The following PTPRR variants were observed in gnomAD, a reference collection of about 807,000 sequenced individuals.
The protein encoded by PTPRR is protein tyrosine phosphatase receptor type R, also known as receptor-type tyrosine-protein phosphatase R.
PTPRR carries 38 observed loss-of-function variants against 77.2 expected under a neutral mutation model. The observed-to-expected ratio is 0.49, with a 90% CI of 0.38 to 0.65. The LOEUF is 0.65. Ranked by LOEUF, PTPRR falls within the 30% of genes least tolerant of loss-of-function variation. The pLI, the probability that PTPRR is intolerant of heterozygous loss-of-function variation, is 0.00. For synonymous variants in PTPRR, 299 were observed against 283.1 expected (o/e 1.06, Z -0.57); for missense variants, 744 against 799.2 (o/e 0.93, Z 0.83).
At chr12:70,679,511 A>G (rs1887576866) in intron 10 of PTPRR, among the ~76,000 whole-genome samples, 2 of 152,148 alleles carry the variant, frequency 1.3e-5, no homozygotes, top group Admixed American at 6.5e-5. Flanking sequence ...GATTATTACT[A>G]TATAGCAGTC....
At position 70,776,839 on chromosome 12, in the gene PTPRR, G is replaced by A. The variant is rs60425008; in HGVS notation, c.358-12061C>T. 7.4e-3 allele frequency among the ~76,000 whole-genome samples: 1,121 copies of A among 152,152 alleles called. 11 individuals are homozygous for A. The highest frequency in any genetic ancestry group is 0.025 in the African/African-American group (1,056 of 41,498). On this transcript the variant is annotated intron_variant, in intron 2 of 13. Coordinates refer to ENST00000283228, the MANE Select transcript of PTPRR (RefSeq NM_002849.4). ...TTCCTTTCAGTTCTCCAGTAGTACT[G>A]TGTTGGACTTTAGGATTTTTTGTTT...
intron 2 of PTPRR, among the ~76,000 whole-genome samples, chr12:70,870,209 T>C (rs565947193): frequency 3.9e-5 from 6 of 152,170 alleles, no homozygotes; most frequent in Middle Eastern, 3.4e-3. Flanking sequence ...AGCCCACAGA[T>C]GAAAGGGGAT....
chr12:70,649,297 A>G (rs1886307856), intron 13 of PTPRR, among the ~76,000 whole-genome samples: 1 of 152,146 alleles, frequency 6.6e-6, no homozygotes, highest in Non-Finnish European at 1.5e-5. Context: ...AAGTATCCAA[A>G]TCACTGCCTT....
At chr12:70,834,777 T>G (rs1170086905) in intron 2 of PTPRR, among the ~76,000 whole-genome samples, 1 of 152,118 alleles carries the variant, frequency 6.6e-6, no homozygotes, top group Non-Finnish European at 1.5e-5. Flanking sequence ...ATATTGTTAT[T>G]CTAGGAGGCA....
At chr12:70,806,765 A>T (rs1891717346) in intron 2 of PTPRR, among the ~76,000 whole-genome samples, 1 of 152,124 alleles carries the variant, frequency 6.6e-6, no homozygotes, top group Non-Finnish European at 1.5e-5. Flanking sequence ...ACTTATCCCA[A>T]AATCCCCAAC....
At chr12:70,899,916 TA>T (rs562116172) in intron 1 of PTPRR, among the ~76,000 whole-genome samples, 2 of 150,802 alleles carry the variant, frequency 1.3e-5, no homozygotes, top group Non-Finnish European at 3.0e-5. Flanking sequence ...AAACTAGAAG[TA>T]AAAAAAACAA....
chr12:70,843,729 A>G (rs1199060687), intron 2 of PTPRR, among the ~76,000 whole-genome samples: 1 of 152,080 alleles, frequency 6.6e-6, no homozygotes, highest in Non-Finnish European at 1.5e-5. Context: ...TAATATGATT[A>G]CCAAAAGTGG....
chr12:70,795,908 A>G (rs1161625414), intron 2 of PTPRR, among the ~76,000 whole-genome samples: 1 of 82,404 alleles, frequency 1.2e-5, no homozygotes, highest in Non-Finnish European at 2.7e-5. Context: ...AAATGTATTT[A>G]GTAGATTTTT....
At chr12:70,818,752 T>A (rs1403553257) in intron 2 of PTPRR, among the ~76,000 whole-genome samples, 2 of 152,114 alleles carry the variant, frequency 1.3e-5, no homozygotes, top group Non-Finnish European at 2.9e-5. Flanking sequence ...TTTAAGATAT[T>A]TATATTAAAG....
rs1286607221 is a variant in PTPRR, at chr12:70,814,788, TG to T, written c.358-50011del. ...TCTGGTTCCACCTAGCAAAGTTTAA[TG>T]TAAGTCTCAAAAGAATTAAACTGGT... On this transcript the variant is annotated intron_variant, in intron 2 of 13. Transcript: ENST00000283228. 7.9e-5 allele frequency among the ~76,000 whole-genome samples: 12 copies of T among 152,334 alleles called. No individual in the cohort carries two copies. In the East Asian group the frequency reaches 2.3e-3, roughly 29 times the overall value.
chr12:70,897,641 C>A (rs144067317), intron 1 of PTPRR, among the ~76,000 whole-genome samples: 4,443 of 151,966 alleles, frequency 0.029, 110 homozygotes, highest in Non-Finnish European at 0.047. Flanking sequence ...TTGACCCAGC[C>A]GTCCCATTAC....
intron 6 of PTPRR, among the ~76,000 whole-genome samples, chr12:70,708,106 G>C (rs564528924): frequency 6.6e-6 from 1 of 151,956 alleles, no homozygotes; most frequent in Non-Finnish European, 1.5e-5. Flanking sequence ...AGACTTCCTA[G>C]CAATTTTCCC....
intron 1 of PTPRR, among the ~76,000 whole-genome samples, chr12:70,900,220 T>G (rs1893507443): frequency 6.6e-6 from 1 of 151,236 alleles, no homozygotes; most frequent in Non-Finnish European, 1.5e-5. Context: ...AATAATAAAG[T>G]TAAAAAATAC....
chr12:70,656,677 C>G, intron 13 of PTPRR, 27 bp downstream of exon 13: 1 of 1,517,464 alleles, frequency 6.6e-7, no homozygotes, highest in South Asian at 1.1e-5. Context: ...AAACAGTGCT[C>G]TGAAGGCAAG....
At chr12:70,877,943 C>T (rs1893080650) in intron 2 of PTPRR, among the ~76,000 whole-genome samples, 1 of 152,122 alleles carries the variant, frequency 6.6e-6, no homozygotes, top group East Asian at 1.9e-4. Flanking sequence ...AGAAATAATG[C>T]TGCATATCTA....
chr12:70,766,944 C>G (rs905804142), intron 2 of PTPRR, among the ~76,000 whole-genome samples: 3 of 152,026 alleles, frequency 2.0e-5, no homozygotes, highest in Non-Finnish European at 4.4e-5. Context: ...AAATAAAATA[C>G]TTTACAGACA....
At chr12:70,661,216 G>A (rs2136673593) in intron 11 of PTPRR, 119 bp from the exon 12 acceptor site, 2 of 1,350,404 alleles carry the variant, frequency 1.5e-6, no homozygotes, top group East Asian at 2.5e-5. Context: ...TTCTAGGTGG[G>A]AAAAAAATTT....
chr12:70,797,468 C>G (rs1169106338), intron 2 of PTPRR, among the ~76,000 whole-genome samples: 3 of 152,080 alleles, frequency 2.0e-5, no homozygotes, highest in African/African-American at 7.2e-5. Flanking sequence ...GATTCCACAT[C>G]TCTCTCTACC....
intron 5 of PTPRR, among the ~76,000 whole-genome samples, chr12:70,753,758 G>A (rs966049221): frequency 2.0e-5 from 3 of 152,012 alleles, no homozygotes; most frequent in Non-Finnish European, 4.4e-5. Flanking sequence ...TTAAAAATAA[G>A]GAAATCAACC....
Sources: allele counts gnomAD v4.1 joint callset (sites outside exome capture counted in the v4.1 genomes callset), GRCh38; gene constraint gnomAD v4.1.1; transcripts MANE v1.5; gene names NCBI Gene and HGNC (gene_info 2026-07-23, HGNC 2026-07-21).